Variants in RBFOX3 observed in about 807,000 individuals in gnomAD.
RBFOX3 encodes the protein RNA binding fox-1 homolog 3, also known as RNA binding protein fox-1 homolog 3.
RBFOX3 carries 17 observed loss-of-function variants against 48.7 expected under a neutral mutation model. That is an observed-to-expected ratio of 0.35 (90% CI 0.24 to 0.52). The LOEUF is 0.52. Ranked by LOEUF, RBFOX3 falls within the 20% of genes least tolerant of loss-of-function variation. The probability of loss-of-function intolerance (pLI) is 0.94; values close to 1 mark genes in which losing one functional copy is unlikely to be tolerated. For synonymous variants in RBFOX3, 212 were observed against 209.5 expected, an observed-to-expected ratio of 1.01 and a Z score of -0.10; for missense variants, 382 against 497.5, an observed-to-expected ratio of 0.77 and a Z score of 2.21.
At chr17:79,149,258 C>A (rs78545180) in intron 4 of RBFOX3, among the ~76,000 whole-genome samples, 5,002 of 152,270 alleles carry the variant, frequency 0.033, 223 homozygotes, top group African/African-American at 0.095. Context: ...CCATCTGGGG[C>A]TTAGTAGAGC....
intron 1 of RBFOX3, among the ~76,000 whole-genome samples, chr17:79,491,922 AAC>A (rs2080734087): frequency 6.6e-6 from 1 of 152,098 alleles, no homozygotes; most frequent in African/African-American, 2.4e-5. Flanking sequence ...TCTACTAAAA[AAC>A]TACAAAAATT....
In RBFOX3 at chr17:79,516,642, G is replaced by A. The variant is rs963664471; in HGVS notation, c.-319-34044C>T. 4.6e-5 allele frequency among the ~76,000 whole-genome samples: 7 copies of A among 152,346 alleles called. No individual in the cohort carries two copies. The South Asian group carries it at 8.3e-4, about 18-fold the overall frequency. The stretch of plus-strand genomic sequence containing the variant: ...CCAGATGGTAGAGACGGGATGGAAA[G>A]TCTCAGGTAACTCAGATGAGAAGCT... On this transcript the variant is annotated intron_variant, in intron 1 of 14. Coordinates refer to ENST00000693108, the MANE Select transcript of RBFOX3 (RefSeq NM_001350451.2).
chr17:79,106,514 G>T, intron 6 of RBFOX3, 137 bp downstream of exon 6: 1 of 1,146,800 alleles, frequency 8.7e-7, no homozygotes, highest in Non-Finnish European at 1.2e-6. Context: ...GAATCCTGGG[G>T]CCCCGGAGGC....
At position 79,274,521 on chromosome 17, in the gene RBFOX3, C is replaced by T. The variant is rs185107780; in HGVS notation, c.-74+33203G>A. Among the ~76,000 whole-genome samples, 12 of 152,104 alleles carry T rather than the reference C, an allele frequency of 7.9e-5. 1 individual carries two copies. The highest frequency in any genetic ancestry group is 1.5e-4 in the Non-Finnish European group (10 of 68,010). ...AGGAGTTGAAGCTTCCGTATCTGGG[C>T]GGGGAGGCTGGTCCGACCTCTGTCC... On this transcript the variant is annotated intron_variant, in intron 3 of 14. Coordinates refer to ENST00000693108, the MANE Select transcript of RBFOX3 (RefSeq NM_001350451.2).
intron 4 of RBFOX3, among the ~76,000 whole-genome samples, chr17:79,119,955 C>T (rs1395668683): frequency 2.0e-5 from 3 of 152,226 alleles, no homozygotes; most frequent in Non-Finnish European, 4.4e-5. Context: ...CAAAGTGTAT[C>T]AGGCCCATCC....
intron 3 of RBFOX3, among the ~76,000 whole-genome samples, chr17:79,257,712 C>CT (rs998009866): frequency 1.9e-4 from 29 of 152,236 alleles, no homozygotes; most frequent in African/African-American, 6.7e-4. Context: ...TCCCGAGTAG[C>CT]TGGGACTACA....
Position 79,220,489 on chromosome 17 carries a change from C to A in RBFOX3, c.-34+15277G>T, listed in dbSNP as rs997676858. Among the ~76,000 whole-genome samples the A allele has an allele frequency of 6.6e-6, 1 of 152,120 alleles. No homozygotes were observed. Among genetic ancestry groups the A allele is most frequent in the Non-Finnish European group, 1.5e-5 (1 of 68,034 alleles). On this transcript the variant is annotated intron_variant, in intron 4 of 14. Transcript: ENST00000693108. The surrounding 1 kb of genome is among the most constrained non-coding windows in gnomAD (Gnocchi z 5.9). The stretch of plus-strand genomic sequence containing the variant: ...CTCTCCGCTCGCCCATCGATGGGGT[C>A]CTGCCCGGCACTGCCCTGTCGCAGT...
At chr17:79,160,730 A>G (rs937754895) in intron 4 of RBFOX3, among the ~76,000 whole-genome samples, 12 of 152,206 alleles carry the variant, frequency 7.9e-5, no homozygotes, top group African/African-American at 2.7e-4. Context: ...CTGTAATTCC[A>G]GCACTTAGGG....
intron 3 of RBFOX3, among the ~76,000 whole-genome samples, chr17:79,241,227 T>C (rs1205115564): frequency 6.6e-6 from 1 of 151,824 alleles, no homozygotes; most frequent in African/African-American, 2.4e-5. Context: ...TTGCCCAGGT[T>C]GGTCTTGAAC....
chr17:79,574,204 G>A (rs914535679), intron 1 of RBFOX3, among the ~76,000 whole-genome samples: 5 of 152,358 alleles, frequency 3.3e-5, no homozygotes, highest in Admixed American at 2.0e-4. Context: ...TGTCAGCGGC[G>A]TTTGAACCAG....
chr17:79,574,327 T>C (rs1278649666), intron 1 of RBFOX3, among the ~76,000 whole-genome samples: 1 of 152,166 alleles, frequency 6.6e-6, no homozygotes. Context: ...GGTCAAGTGA[T>C]ACAGGTCACA....
intron 4 of RBFOX3, among the ~76,000 whole-genome samples, chr17:79,131,066 ATGTGCTGCGTGTCCCGTG>A (rs1337124892): frequency 2.0e-5 from 3 of 149,042 alleles, no homozygotes; most frequent in Non-Finnish European, 4.4e-5. Context: ...ACCGTGAGCC[ATGTGCTGCGTGTCCCGTG>A]TGTGCTGTGT....
chr17:79,345,906 G>A (rs933742463), intron 2 of RBFOX3, among the ~76,000 whole-genome samples: 21 of 151,882 alleles, frequency 1.4e-4, no homozygotes, highest in African/African-American at 5.1e-4. Flanking sequence ...TTTCCTCTAT[G>A]AGATTTGTTT....
At chr17:79,175,647 C>T (rs915240637) in intron 4 of RBFOX3, among the ~76,000 whole-genome samples, 9 of 152,220 alleles carry the variant, frequency 5.9e-5, no homozygotes, top group South Asian at 2.1e-4. Context: ...GCTCCCTGGA[C>T]GAGCTCCCCA....
At chr17:79,563,196 T>C in intron 1 of RBFOX3, among the ~76,000 whole-genome samples, 1 of 149,194 alleles carries the variant, frequency 6.7e-6, no homozygotes, top group South Asian at 2.1e-4. Flanking sequence ...TTTTAAAATG[T>C]GGGCCAGGTA....
chr17:79,280,395 A>G (rs1280024234), intron 3 of RBFOX3, among the ~76,000 whole-genome samples: 1 of 152,178 alleles, frequency 6.6e-6, no homozygotes, highest in Non-Finnish European at 1.5e-5. Context: ...TGAGATGGAG[A>G]AGACACACAG....
intron 2 of RBFOX3, among the ~76,000 whole-genome samples, chr17:79,334,305 C>G (rs1444423327): frequency 6.6e-6 from 1 of 152,192 alleles, no homozygotes; most frequent in Non-Finnish European, 1.5e-5. Flanking sequence ...TCTGCCATCT[C>G]AGACAGTGGC....
At chr17:79,644,427 C>T in the RBFOX3 span, among the ~76,000 whole-genome samples, 8 of 152,122 alleles carry the variant, frequency 5.3e-5, no homozygotes, top group Non-Finnish European at 1.0e-4. Context: ...CTACAAAATA[C>T]TAGCAAAATA....
At chr17:79,534,769 C>G (rs1315589813) in intron 1 of RBFOX3, among the ~76,000 whole-genome samples, 5 of 152,200 alleles carry the variant, frequency 3.3e-5, no homozygotes, top group Non-Finnish European at 7.3e-5. Flanking sequence ...CTGTGTCTCC[C>G]CAGTTTATTC....
Sources: gnomAD v4.1 joint callset for allele counts (sites outside exome capture counted in the v4.1 genomes callset) on GRCh38, gnomAD v4.1.1 for gene constraint, Gnocchi (gnomAD v3.1) non-coding constraint, MANE v1.5 for transcripts, NCBI Gene and HGNC (gene_info 2026-07-23, HGNC 2026-07-21) for gene names.